The following RORB variants were observed in gnomAD, a reference collection of about 807,000 sequenced individuals.
RORB encodes RAR related orphan receptor B.
A neutral mutation model predicts 59.1 loss-of-function variants in RORB; 6 were observed. The observed-to-expected ratio is 0.10, with a 90% CI of 0.06 to 0.20. RORB has a LOEUF of 0.20. Among genes scored for constraint, RORB ranks in the 10% least tolerant of loss-of-function variants. The pLI is 1.00. For synonymous variants in RORB, 215 were observed against 204.5 expected (o/e 1.05, Z -0.44); for missense variants, 320 against 560.5 (o/e 0.57, Z 4.33).
At chr9:74,631,334 G>T (rs918340097) in intron 2 of RORB, among the ~76,000 whole-genome samples, 1 of 152,206 alleles carries the variant, frequency 6.6e-6, no homozygotes, top group African/African-American at 2.4e-5. Flanking sequence ...CACAGTCTGG[G>T]AGGAAAAGGT....
rs181635113 is a variant in RORB, at chr9:74,575,814, C to T, written c.8-54468C>T. Among the ~76,000 whole-genome samples the T allele has an allele frequency of 1.7e-3, 251 of 151,920 alleles. 2 individuals carry two copies. The highest frequency in any genetic ancestry group is 5.4e-3 in the African/African-American group (222 of 41,452). On this transcript the variant is annotated intron_variant, in intron 1 of 9. Coordinates refer to ENST00000376896, the MANE Select transcript of RORB (RefSeq NM_006914.4). ...TACAGTGGTACAGGGAATATTAGAC[C>T]CCACAGAGTAGGAAGGACAAATCAG...
intron 1 of RORB, among the ~76,000 whole-genome samples, chr9:74,624,773 A>G (rs918283219): frequency 6.6e-6 from 1 of 152,224 alleles, no homozygotes; most frequent in Admixed American, 6.5e-5. Context: ...GGTAGATGAG[A>G]TACAACTTGG....
intron 1 of RORB, among the ~76,000 whole-genome samples, chr9:74,518,714 T>C (rs1826045383): frequency 6.6e-6 from 1 of 151,978 alleles, no homozygotes; most frequent in South Asian, 2.1e-4. Context: ...TCGGTTATTT[T>C]AGTTTTTGAG....
At chr9:74,559,636 C>T (rs1822364094) in intron 1 of RORB, among the ~76,000 whole-genome samples, 1 of 152,040 alleles carries the variant, frequency 6.6e-6, no homozygotes, top group Admixed American at 6.6e-5. Context: ...GATTTTTATA[C>T]ACAAAGACAG....
rs1554671383 is a variant in RORB, at chr9:74,630,376, C to A, written c.93+9C>A. ...CATGTGAAGGCTGCAAGGTATGGGA[C>A]TTTCATACAGCACGGTTCTGTATTT... On this transcript the variant is annotated intron_variant, in intron 2 of 9. Transcript: ENST00000376896. The A allele has an allele frequency of 1.9e-6, 3 of 1,607,456 alleles. No individual in the cohort carries two copies. The highest frequency in any genetic ancestry group is 2.2e-5 in the South Asian group (2 of 90,010).
At chr9:74,638,740 G>A (rs1823744495) in intron 3 of RORB, among the ~76,000 whole-genome samples, 1 of 152,136 alleles carries the variant, frequency 6.6e-6, no homozygotes, top group Non-Finnish European at 1.5e-5. Flanking sequence ...GCCATGTACT[G>A]TAATTTTTTT....
At chr9:74,623,263 G>C (rs1330936932) in intron 1 of RORB, among the ~76,000 whole-genome samples, 2 of 152,170 alleles carry the variant, frequency 1.3e-5, no homozygotes, top group Non-Finnish European at 2.9e-5. Flanking sequence ...AGAAGAGGGA[G>C]GTGCCATTAC....
At position 74,497,822 on chromosome 9, in the gene RORB, G is replaced by A. The variant is rs546942982; in HGVS notation, c.-155G>A. 6.6e-5 allele frequency: 53 copies of A among 804,026 alleles called. No individual in the cohort carries two copies. The South Asian group carries it at 8.7e-4, about 13-fold the overall frequency. 49.8% of individuals were successfully genotyped at this position (804,026 alleles called of 1,614,324 possible). ...CGGCGGCGGCGGCAAACGTCACCCT[G>A]CAGCCACGGCGTCCGCCTAAAGGGA... On this transcript the variant is annotated 5_prime_UTR_variant, in exon 1 of 10. Coordinates refer to ENST00000376896, the MANE Select transcript of RORB (RefSeq NM_006914.4).
chr9:74,596,661 A>G (rs916636390), intron 1 of RORB, among the ~76,000 whole-genome samples: 1 of 152,136 alleles, frequency 6.6e-6, no homozygotes, highest in African/African-American at 2.4e-5. Flanking sequence ...TCTGCCTCAG[A>G]CTTAACCCTG....
At chr9:74,612,543 C>T (rs957432513) in intron 1 of RORB, among the ~76,000 whole-genome samples, 3 of 152,188 alleles carry the variant, frequency 2.0e-5, no homozygotes, top group African/African-American at 4.8e-5. Context: ...CTGTCTCCAA[C>T]TCTGCCCTTT....
intron 4 of RORB, among the ~76,000 whole-genome samples, chr9:74,654,720 T>C (rs965082833): frequency 6.6e-6 from 1 of 152,214 alleles, no homozygotes; most frequent in African/African-American, 2.4e-5. Context: ...TTCTATCCCA[T>C]AAAGTTGCTC....
chr9:74,500,482 T>G (rs531643910), intron 1 of RORB, among the ~76,000 whole-genome samples: 1 of 152,082 alleles, frequency 6.6e-6, no homozygotes, highest in Non-Finnish European at 1.5e-5. Flanking sequence ...AAGCACCCTA[T>G]GTTGGGAGAG....
At chr9:74,575,985 T>A (rs1822628877) in intron 1 of RORB, among the ~76,000 whole-genome samples, 1 of 152,096 alleles carries the variant, frequency 6.6e-6, no homozygotes, top group African/African-American at 2.4e-5. Context: ...ATGGTCTTCT[T>A]CAAGGTCCCT....
intron 1 of RORB, among the ~76,000 whole-genome samples, chr9:74,537,039 C>A (rs897566506): frequency 1.6e-4 from 24 of 151,958 alleles, no homozygotes; most frequent in African/African-American, 5.8e-4. Context: ...TTATAAGACC[C>A]ATTTTACAAA....
intron 3 of RORB, among the ~76,000 whole-genome samples, chr9:74,640,221 G>A (rs1389021670): frequency 6.6e-6 from 1 of 152,040 alleles, no homozygotes; most frequent in Non-Finnish European, 1.5e-5. Flanking sequence ...GTAGGGGTTG[G>A]TTGCTTGGTT....
chr9:74,591,632 A>C (rs546187678), intron 1 of RORB, among the ~76,000 whole-genome samples: 3 of 152,324 alleles, frequency 2.0e-5, no homozygotes, highest in Non-Finnish European at 2.9e-5. Flanking sequence ...TGAGATAATA[A>C]GTAGATGCTT....
chr9:74,678,517 G>T (rs1469040464), intron 9 of RORB, among the ~76,000 whole-genome samples: 1 of 151,976 alleles, frequency 6.6e-6, no homozygotes, highest in Non-Finnish European at 1.5e-5. Flanking sequence ...AAAGATAGAA[G>T]GCTTAAACAA....
intron 1 of RORB, among the ~76,000 whole-genome samples, chr9:74,558,648 G>A (rs1822346349): frequency 1.3e-5 from 2 of 151,464 alleles, no homozygotes; most frequent in South Asian, 4.2e-4. Flanking sequence ...AAATATCACA[G>A]CAATGCAATG....
intron 4 of RORB, among the ~76,000 whole-genome samples, chr9:74,657,817 CA>C (rs1385243548): frequency 6.6e-6 from 1 of 151,910 alleles, no homozygotes; most frequent in Non-Finnish European, 1.5e-5. Context: ...CCAGCCTGGC[CA>C]AGGTGAGGAA....
Sources: gnomAD v4.1 joint callset for allele counts (sites outside exome capture counted in the v4.1 genomes callset) on GRCh38, gnomAD v4.1.1 for gene constraint, MANE v1.5 for transcripts, NCBI Gene and HGNC (gene_info 2026-07-23, HGNC 2026-07-21) for gene names.